Variants in DAAM1 observed in about 807,000 individuals in gnomAD.
DAAM1 encodes the protein dishevelled associated activator of morphogenesis 1.
In DAAM1, 52 loss-of-function variants were observed where a neutral mutation model predicts 130.0. The ratio of observed to expected loss-of-function variants is 0.40; its 90% CI spans 0.32 to 0.50. The LOEUF is 0.50. Among genes scored for constraint, DAAM1 ranks in the 20% least tolerant of loss-of-function variants. The pLI is 0.61. For synonymous variants in DAAM1, 452 were observed against 444.5 expected, an observed-to-expected ratio of 1.02 and a Z score of -0.21; for missense variants, 1,134 against 1,303.8, an observed-to-expected ratio of 0.87 and a Z score of 2.01.
intron 2 of DAAM1, among the ~76,000 whole-genome samples, chr14:59,269,658 A>G (rs1257055753): frequency 6.6e-6 from 1 of 152,202 alleles, no homozygotes; most frequent in Non-Finnish European, 1.5e-5. Flanking sequence ...GCTGTTCACT[A>G]ACACCTACCC....
At chr14:59,320,242 G>C (rs914513048) in intron 4 of DAAM1, among the ~76,000 whole-genome samples, 5 of 152,140 alleles carry the variant, frequency 3.3e-5, no homozygotes, top group African/African-American at 1.2e-4. Flanking sequence ...TCAAATACAA[G>C]TAGTAGTATC....
chr14:59,321,488 T>C (rs1395846134), intron 5 of DAAM1, among the ~76,000 whole-genome samples: 1 of 152,242 alleles, frequency 6.6e-6, no homozygotes, highest in Non-Finnish European at 1.5e-5. Flanking sequence ...ATGGGTACAC[T>C]TTCTGGCAAC....
intron 24 of DAAM1, 133 bp downstream of exon 24, chr14:59,367,732 C>T: frequency 8.2e-7 from 1 of 1,220,492 alleles, no homozygotes; most frequent in Non-Finnish European, 1.1e-6. Context: ...TGCTGTGGGA[C>T]TTTACATTGG....
rs1237734696 is a variant in DAAM1 at position 59,331,445 on chromosome 14, G to A, written c.1797G>A (p.Lys599=). 6.2e-7 allele frequency: 1 copy of A among 1,613,552 alleles called. No individual in the cohort carries two copies. Among genetic ancestry groups the A allele is most frequent in the East Asian group, 2.2e-5 (1 of 44,864 alleles). The change falls in exon 14 of 25, where the codon AAG becomes AAA. Residue 599 remains lysine, a synonymous_variant. Transcript: ENST00000360909. ...PPGAPMGLAL[K]KKSIPQPTNA... Reference sequence around the variant, plus strand: ...GTGCTCCAATGGGCCTAGCACTGAAGAAGAAAAGCATTCCTCAGCCCACAA... The same window carrying A: ...GTGCTCCAATGGGCCTAGCACTGAAAAAGAAAAGCATTCCTCAGCCCACAA...
chr14:59,196,989 C>T (rs1244647479), intron 1 of DAAM1, among the ~76,000 whole-genome samples: 1 of 151,996 alleles, frequency 6.6e-6, no homozygotes, highest in Admixed American at 6.5e-5. Context: ...GGCGCGATCT[C>T]GGCTCACTGC....
At chr14:59,312,052 T>C (rs910163377) in intron 3 of DAAM1, among the ~76,000 whole-genome samples, 2 of 152,214 alleles carry the variant, frequency 1.3e-5, no homozygotes, top group Non-Finnish European at 2.9e-5. Flanking sequence ...AACAGTGCTA[T>C]AGTGAAAAAT....
intron 4 of DAAM1, among the ~76,000 whole-genome samples, chr14:59,318,998 C>T (rs1406657220): frequency 6.6e-6 from 1 of 152,168 alleles, no homozygotes; most frequent in Admixed American, 6.5e-5. Context: ...GAATGATCTT[C>T]ATAAAAGGCT....
At chr14:59,244,958 A>AACCTAGT (rs1881298369) in intron 1 of DAAM1, among the ~76,000 whole-genome samples, 1 of 151,642 alleles carries the variant, frequency 6.6e-6, no homozygotes. Context: ...GAGTAGGAGG[A>AACCTAGT]GAACCAGTGA....
chr14:59,344,684 T>C (rs925018667), intron 16 of DAAM1, among the ~76,000 whole-genome samples: 6 of 152,166 alleles, frequency 3.9e-5, no homozygotes, highest in Admixed American at 3.3e-4. Context: ...GTGGGCCACA[T>C]TAAGAGAAAC....
At chr14:59,286,923 C>T (rs1883487258) in intron 2 of DAAM1, among the ~76,000 whole-genome samples, 1 of 152,078 alleles carries the variant, frequency 6.6e-6, no homozygotes, top group Non-Finnish European at 1.5e-5. Context: ...GGGACTCCTC[C>T]CTAACTCTCT....
At chr14:59,331,680 A>G (rs1289458887) in intron 14 of DAAM1, 133 bp from the exon 15 acceptor site, 2 of 1,497,512 alleles carry the variant, frequency 1.3e-6, no homozygotes, top group African/African-American at 1.4e-5. Context: ...TAAATGACAC[A>G]TTGTTTGAAA....
At chr14:59,211,918 A>G (rs372469875) in intron 1 of DAAM1, among the ~76,000 whole-genome samples, 44 of 152,334 alleles carry the variant, frequency 2.9e-4, no homozygotes, top group African/African-American at 1.1e-3. Context: ...GTTCCATATT[A>G]TTTTATGAAC....
At chr14:59,330,189 A>T (rs762759682) in intron 12 of DAAM1, among the ~76,000 whole-genome samples, 1 of 152,182 alleles carries the variant, frequency 6.6e-6, no homozygotes, top group Non-Finnish European at 1.5e-5. Flanking sequence ...TTCTGAATCA[A>T]CTACCAAACA....
intron 5 of DAAM1, 108 bp downstream of exon 5, chr14:59,320,692 C>A (rs1594820066): frequency 1.4e-6 from 1 of 710,780 alleles, no homozygotes; most frequent in Non-Finnish European, 2.2e-6. Context: ...AAAATTAAAC[C>A]ATAACATACT....
At chr14:59,321,870 T>G (rs1254764466) in intron 5 of DAAM1, among the ~76,000 whole-genome samples, 1 of 152,222 alleles carries the variant, frequency 6.6e-6, no homozygotes, top group Non-Finnish European at 1.5e-5. Flanking sequence ...CTAAATAAGT[T>G]TGGAAAATTT....
At chr14:59,281,890 CTTATTA>C in intron 2 of DAAM1, among the ~76,000 whole-genome samples, 2 of 152,052 alleles carry the variant, frequency 1.3e-5, no homozygotes, top group Middle Eastern at 3.4e-3. Context: ...GGGTAGGGAT[CTTATTA>C]TTATTATACC....
chr14:59,265,749 C>T (rs1189591734), intron 2 of DAAM1: 2 of 152,254 alleles, frequency 1.3e-5, no homozygotes, highest in Admixed American at 1.3e-4. Flanking sequence ...TGCTGTGTGT[C>T]TACTGTGGGT....
chr14:59,354,500 CT>C (rs750954692), intron 19 of DAAM1, among the ~76,000 whole-genome samples: 13 of 152,192 alleles, frequency 8.5e-5, no homozygotes, highest in East Asian at 5.8e-4. Flanking sequence ...CAGGGTTGGG[CT>C]TTTGACTACG....
chr14:59,256,819 T>A (rs1881910474), intron 1 of DAAM1, among the ~76,000 whole-genome samples: 1 of 152,228 alleles, frequency 6.6e-6, no homozygotes, highest in African/African-American at 2.4e-5. Context: ...ATTTTGAGTT[T>A]TCTTCGTCTG....
Sources: gnomAD v4.1 joint callset for allele counts (sites outside exome capture counted in the v4.1 genomes callset) on GRCh38, gnomAD v4.1.1 for gene constraint, MANE v1.5 for transcripts, NCBI Gene and HGNC (gene_info 2026-07-23, HGNC 2026-07-21) for gene names.